Variants in ADD3 observed in about 807,000 individuals in gnomAD.
ADD3 encodes the protein gamma-adducin.
In ADD3, 25 loss-of-function variants were observed where a neutral mutation model predicts 80.2. The observed-to-expected ratio is 0.31, with a 90% CI of 0.23 to 0.44. ADD3 has a LOEUF of 0.44. Among genes scored for constraint, ADD3 ranks in the 20% least tolerant of loss-of-function variants. The probability of loss-of-function intolerance (pLI) is 1.00; values close to 1 mark genes in which losing one functional copy is unlikely to be tolerated. For missense variants in ADD3, 829 were observed against 847.5 expected (o/e 0.98, Z 0.27); for synonymous variants, 284 against 289.6 (o/e 0.98, Z 0.20).
In ADD3 at chr10:110,072,956, T is replaced by C. The variant is rs181755873; in HGVS notation, c.-29-27669T>C. Among the ~76,000 whole-genome samples the C allele has an allele frequency of 1.9e-4, 29 of 152,228 alleles. 1 individual carries two copies. In the East Asian group the frequency reaches 4.8e-3, roughly 25 times the overall value. On this transcript the variant is annotated intron_variant, in intron 1 of 14. Coordinates refer to ENST00000356080, the MANE Select transcript of ADD3 (RefSeq NM_016824.5). ...TTTGTCCAGGCCTTTTTTTCTCCCC[T>C]TGAGTTTTACTCCCTCAGCTGAATC...
intron 13 of ADD3, among the ~76,000 whole-genome samples, chr10:110,131,877 T>C (rs1853059569): frequency 6.6e-6 from 1 of 152,258 alleles, no homozygotes; most frequent in Admixed American, 6.5e-5. Context: ...ATTAGCTCAG[T>C]AACATTGCTC....
intron 1 of ADD3, among the ~76,000 whole-genome samples, chr10:110,074,220 C>A (rs1003751816): frequency 6.6e-6 from 1 of 152,146 alleles, no homozygotes; most frequent in Non-Finnish European, 1.5e-5. Flanking sequence ...GTTTGAGATG[C>A]CTAGTAGTTC....
At chr10:110,098,524 T>C (rs1023110423) in intron 1 of ADD3, among the ~76,000 whole-genome samples, 3 of 152,244 alleles carry the variant, frequency 2.0e-5, no homozygotes, top group African/African-American at 7.2e-5. Flanking sequence ...TTGCAAAGCC[T>C]TCTATCTAAA....
chr10:110,018,326 G>A (rs907228209), intron 1 of ADD3, among the ~76,000 whole-genome samples: 35 of 152,042 alleles, frequency 2.3e-4, no homozygotes, highest in African/African-American at 7.0e-4. Flanking sequence ...TCAGGAGTTC[G>A]AGACCAGCAT....
At chr10:110,130,655 A>G (rs1852844556) in intron 13 of ADD3, among the ~76,000 whole-genome samples, 169 bp downstream of exon 13, 1 of 152,168 alleles carries the variant, frequency 6.6e-6, no homozygotes, top group Non-Finnish European at 1.5e-5. Context: ...CAGGAGTTTG[A>G]GACCAGCCTG....
intron 1 of ADD3, among the ~76,000 whole-genome samples, chr10:110,012,445 A>G (rs1299217938): frequency 6.6e-6 from 1 of 152,244 alleles, no homozygotes; most frequent in Non-Finnish European, 1.5e-5. Context: ...TTGGTTGAGT[A>G]TGTTTGAAAA....
intron 1 of ADD3, among the ~76,000 whole-genome samples, chr10:110,061,846 C>A (rs1486998050): frequency 6.6e-6 from 1 of 152,080 alleles, no homozygotes; most frequent in Non-Finnish European, 1.5e-5. Context: ...AGTAACTTAA[C>A]CAAAATCATT....
At chr10:110,051,412 A>C (rs1241416512) in intron 1 of ADD3, among the ~76,000 whole-genome samples, 1 of 152,250 alleles carries the variant, frequency 6.6e-6, no homozygotes, top group Non-Finnish European at 1.5e-5. Flanking sequence ...TGGTTCCTCC[A>C]AAAGTTAAAC....
At chr10:110,030,265 G>A (rs551828649) in intron 1 of ADD3, among the ~76,000 whole-genome samples, 1 of 150,554 alleles carries the variant, frequency 6.6e-6, no homozygotes, top group African/African-American at 2.4e-5. Flanking sequence ...GGAGGTTGCG[G>A]TGAGCCAAGA....
At chr10:110,065,484 G>GTC (rs1195200324) in intron 1 of ADD3, among the ~76,000 whole-genome samples, 5 of 19,640 alleles carry the variant, frequency 2.5e-4, no homozygotes, top group African/African-American at 4.4e-4. Flanking sequence ...GTCTGTCTCT[G>GTC]TCTGTCTCTC....
rs540835835 is a variant in ADD3 at position 110,081,233 on chromosome 10, C to A, written c.-29-19392C>A. Among the ~76,000 whole-genome samples, 12 of 152,138 alleles carry A rather than the reference C, an allele frequency of 7.9e-5. No individual in the cohort carries two copies. The South Asian group carries it at 2.5e-3, about 32-fold the overall frequency. On this transcript the variant is annotated intron_variant, in intron 1 of 14. Transcript: ENST00000356080. ...ATAATGCTAGATAATTATTAGTGTT[C>A]CTTGTTAATTTTCATACGCATTTTT...
chr10:110,096,972 A>G (rs898734905), intron 1 of ADD3, among the ~76,000 whole-genome samples: 1 of 152,192 alleles, frequency 6.6e-6, no homozygotes, highest in African/African-American at 2.4e-5. Flanking sequence ...AAGATAGGCA[A>G]GAATGGCACT....
chr10:110,078,777 A>G (rs1481312378), intron 1 of ADD3, among the ~76,000 whole-genome samples: 6 of 152,212 alleles, frequency 3.9e-5, no homozygotes, highest in Admixed American at 3.9e-4. Flanking sequence ...TTTCATTTCA[A>G]AAAATATTGG....
chr10:110,057,689 C>G (rs1858377201), intron 1 of ADD3, among the ~76,000 whole-genome samples: 1 of 152,094 alleles, frequency 6.6e-6, no homozygotes, highest in African/African-American at 2.4e-5. Context: ...AGGCAAAACT[C>G]CAGGAAGGCA....
intron 1 of ADD3, among the ~76,000 whole-genome samples, chr10:110,076,694 G>A (rs1265064493): frequency 6.6e-6 from 1 of 152,188 alleles, no homozygotes; most frequent in Non-Finnish European, 1.5e-5. Context: ...AAACTTAGAA[G>A]TTGGCATGGT....
intron 1 of ADD3, among the ~76,000 whole-genome samples, chr10:110,010,551 G>A (rs1852223668): frequency 1.3e-5 from 2 of 152,166 alleles, no homozygotes; most frequent in African/African-American, 4.8e-5. Flanking sequence ...TATGTAAAGT[G>A]ACATATCTTT....
At chr10:110,070,161 G>A (rs1218364376) in intron 1 of ADD3, among the ~76,000 whole-genome samples, 1 of 151,822 alleles carries the variant, frequency 6.6e-6, no homozygotes, top group East Asian at 1.9e-4. Context: ...TTTCAAATAG[G>A]CTCCTTTCTC....
intron 1 of ADD3, among the ~76,000 whole-genome samples, chr10:110,025,806 G>A (rs966498354): frequency 1.3e-5 from 2 of 152,056 alleles, no homozygotes; most frequent in Non-Finnish European, 2.9e-5. Flanking sequence ...TGGGGTAAGG[G>A]GTTTTGTCAG....
At chr10:110,022,567 G>A (rs1036673446) in intron 1 of ADD3, among the ~76,000 whole-genome samples, 1 of 152,026 alleles carries the variant, frequency 6.6e-6, no homozygotes, top group African/African-American at 2.4e-5. Flanking sequence ...AGAAAACAGT[G>A]GTCCATATTA....
Sources: allele counts gnomAD v4.1 joint callset (sites outside exome capture counted in the v4.1 genomes callset), GRCh38; gene constraint gnomAD v4.1.1; transcripts MANE v1.5; gene names NCBI Gene and HGNC (gene_info 2026-07-23, HGNC 2026-07-21).